Variants in FNIP2 observed in about 807,000 individuals in gnomAD.
The protein encoded by FNIP2 is folliculin-interacting protein 2.
In FNIP2, 32 loss-of-function variants were observed where a neutral mutation model predicts 108.7. That is an observed-to-expected ratio of 0.29 (90% confidence interval 0.22 to 0.40). The LOEUF is 0.40. FNIP2 is among the 10% of genes least tolerant of loss of function. FNIP2 has a pLI of 1.00. For synonymous variants in FNIP2, 480 were observed against 496.7 expected (o/e 0.97, Z 0.45); for missense variants, 1,202 against 1,381.6 (o/e 0.87, Z 2.06).
intron 5 of FNIP2, among the ~76,000 whole-genome samples, chr4:158,833,078 A>C (rs1778570980): frequency 6.6e-6 from 1 of 152,194 alleles, no homozygotes; most frequent in African/African-American, 2.4e-5. Context: ...TTCCTGAAAA[A>C]AGTTGCTGAA....
chr4:158,833,871 G>C, intron 6 of FNIP2: 1 of 1,451,038 alleles, frequency 6.9e-7, no homozygotes, highest in Non-Finnish European at 9.1e-7. Flanking sequence ...GGCTCACCCG[G>C]AGTGCTTCTT....
At position 158,868,653 on chromosome 4, in the gene FNIP2, G is replaced by T. The variant is rs938348425; in HGVS notation, c.2017G>T (p.Ala673Ser). Residue 673 changes from alanine (A) to serine (S), a missense_variant, in exon 13 of 17, where the codon GCA (alanine) becomes TCA (serine). By Grantham distance (99) the Ala-to-Ser change is moderately conservative. Around this residue, in one of 5 missense-constraint regions of FNIP2, gnomAD observed 878 missense variants for 990.3 expected, o/e 0.89. Coordinates refer to ENST00000264433, the MANE Select transcript of FNIP2 (RefSeq NM_020840.3). The surrounding 1 kb of genome is among the most constrained non-coding windows in gnomAD (Gnocchi z 4.6). ...SRLPSCEVLG[A>S]GMKMDQQAVC... ...ACTTCCCAGCTGTGAAGTTTTGGGG[G>T]CAGGAATGAAGATGGACCAGCAAGC... 9 of 1,613,890 alleles carry T rather than the reference G, an allele frequency of 5.6e-6. No homozygotes were observed. The highest frequency in any genetic ancestry group is 7.6e-6 in the Non-Finnish European group (9 of 1,179,912).
Position 158,907,444 on chromosome 4 carries a change from TC to T in FNIP2, c.*2904del, listed in dbSNP as rs1482228006. ...ATTAACGTTTTTGGAGGGAGAAAAA[TC>T]CCCGCTTGCTAAATGATACTAAACC... On this transcript the variant is annotated 3_prime_UTR_variant, in exon 17 of 17. Coordinates refer to ENST00000264433, the MANE Select transcript of FNIP2 (RefSeq NM_020840.3). 1 of 152,230 alleles carries T rather than the reference TC, an allele frequency of 6.6e-6. No homozygotes were observed. Among genetic ancestry groups the T allele is most frequent in the African/African-American group, 2.4e-5 (1 of 41,544 alleles). The allele number at this position is 152,230 out of a possible 1,614,324, so 9.4% of individuals were successfully genotyped here. A position where few individuals can be genotyped will look rare whatever the true frequency, so the allele number is the denominator to read the frequency against.
At chr4:158,790,659 A>G (rs1776382698) in intron 1 of FNIP2, among the ~76,000 whole-genome samples, 1 of 152,102 alleles carries the variant, frequency 6.6e-6, no homozygotes, top group Non-Finnish European at 1.5e-5. Context: ...AGGTGGGAGG[A>G]CCACTTGATC....
In FNIP2 at chr4:158,815,322, C is replaced by G. The variant is rs373015774; in HGVS notation, c.108-10594C>G. On this transcript the variant is annotated intron_variant, in intron 1 of 16. Coordinates refer to ENST00000264433, the MANE Select transcript of FNIP2 (RefSeq NM_020840.3). ...TACATGGTGCAGAGAAAGCCTTTCCCTTTGCTCTGTAAAGAGTGTAGAATG... is the reference window on the plus strand; with the variant it reads ...TACATGGTGCAGAGAAAGCCTTTCCGTTTGCTCTGTAAAGAGTGTAGAATG... 2.6e-5 allele frequency among the ~76,000 whole-genome samples: 4 copies of G among 151,362 alleles called. No homozygotes were observed. In the South Asian group the frequency reaches 8.3e-4, roughly 31 times the overall value.
At chr4:158,813,731 T>TA (rs1399016716) in intron 1 of FNIP2, among the ~76,000 whole-genome samples, 7 of 152,202 alleles carry the variant, frequency 4.6e-5, no homozygotes, top group Admixed American at 4.6e-4. Context: ...CCTTTGGTGT[T>TA]GTATCTGAGA....
At chr4:158,774,275 T>C (rs1183821048) in intron 1 of FNIP2, among the ~76,000 whole-genome samples, 1 of 152,210 alleles carries the variant, frequency 6.6e-6, no homozygotes, top group Non-Finnish European at 1.5e-5. Flanking sequence ...GGTGAAAATT[T>C]TATTTTAATT....
intron 16 of FNIP2, among the ~76,000 whole-genome samples, chr4:158,901,707 C>T (rs747331231): frequency 3.3e-5 from 5 of 151,784 alleles, no homozygotes; most frequent in Non-Finnish European, 7.4e-5. Flanking sequence ...TTTCTGTAAT[C>T]TTGTCTTCAC....
intron 1 of FNIP2, among the ~76,000 whole-genome samples, chr4:158,777,491 C>G (rs1457651624): frequency 2.6e-5 from 4 of 152,170 alleles, no homozygotes; most frequent in Admixed American, 2.0e-4. Context: ...AAAGAATGTG[C>G]CAGACTAACA....
At chr4:158,889,669 T>A (rs1038662431) in intron 14 of FNIP2, among the ~76,000 whole-genome samples, 7 of 152,214 alleles carry the variant, frequency 4.6e-5, no homozygotes, top group African/African-American at 1.7e-4. Context: ...TATGTTGACA[T>A]ATGGTCAGTA....
At chr4:158,815,384 C>CT (rs58702187) in intron 1 of FNIP2, among the ~76,000 whole-genome samples, 42,006 of 137,372 alleles carry the variant, frequency 0.31, 7,013 homozygotes, top group Non-Finnish European at 0.38. Context: ...AGTAATCCAG[C>CT]TTTTTTTTTT....
rs1467237023 is a variant in FNIP2, at chr4:158,904,715, T to C, written c.*171T>C. On this transcript the variant is annotated 3_prime_UTR_variant, in exon 17 of 17. Coordinates refer to ENST00000264433, the MANE Select transcript of FNIP2 (RefSeq NM_020840.3). ...TCAAGCTGATGCTTCATTGAAGACT[T>C]AGGTTTACTTGACATAATAGCATTT... is the stretch of plus-strand genomic sequence containing the variant. 1 of 605,804 alleles carries C rather than the reference T, an allele frequency of 1.7e-6. No individual in the cohort carries two copies. Among genetic ancestry groups the C allele is most frequent in the East Asian group, 2.8e-5 (1 of 35,650 alleles). The allele number at this position is 605,804 out of a possible 1,614,324, so 37.5% of individuals were successfully genotyped here.
At chr4:158,775,053 G>C (rs1482496156) in intron 1 of FNIP2, among the ~76,000 whole-genome samples, 1 of 152,134 alleles carries the variant, frequency 6.6e-6, no homozygotes, top group Admixed American at 6.5e-5. Flanking sequence ...TGCCTGTAAG[G>C]TCAGCCTAAG....
intron 1 of FNIP2, among the ~76,000 whole-genome samples, chr4:158,817,052 A>T (rs1777619819): frequency 6.6e-6 from 1 of 152,084 alleles, no homozygotes; most frequent in Admixed American, 6.6e-5. Context: ...AAACTCCTGG[A>T]TTCAAGCGAT....
chr4:158,887,575 A>G (rs1036917825), intron 14 of FNIP2, among the ~76,000 whole-genome samples: 4 of 151,986 alleles, frequency 2.6e-5, no homozygotes, highest in Non-Finnish European at 5.9e-5. Context: ...CGTCTCTACT[A>G]AAAATACAAA....
chr4:158,792,119 A>G (rs151107764), intron 1 of FNIP2, among the ~76,000 whole-genome samples: 96 of 152,272 alleles, frequency 6.3e-4, no homozygotes, highest in African/African-American at 2.2e-3. Flanking sequence ...ACACACACAC[A>G]CACATCAGGT....
At chr4:158,891,187 C>G (rs149229477) in intron 14 of FNIP2, among the ~76,000 whole-genome samples, 58 of 150,892 alleles carry the variant, frequency 3.8e-4, no homozygotes, top group African/African-American at 1.2e-3. Flanking sequence ...CTCTATCCTC[C>G]CCCTCCCCCA....
At chr4:158,803,325 A>C (rs201428921) in intron 1 of FNIP2, among the ~76,000 whole-genome samples, 2 of 152,242 alleles carry the variant, frequency 1.3e-5, no homozygotes, top group East Asian at 3.8e-4. Context: ...GGCACCCAGC[A>C]TGATAATGAA....
At chr4:158,833,766 T>A in intron 6 of FNIP2, 138 bp downstream of exon 6, 1 of 1,492,308 alleles carries the variant, frequency 6.7e-7, no homozygotes, top group Non-Finnish European at 9.0e-7. Flanking sequence ...GTATGTGTAC[T>A]TTGTTTGCCC....
Sources: allele counts gnomAD v4.1 joint callset (sites outside exome capture counted in the v4.1 genomes callset), GRCh38; gene constraint gnomAD v4.1.1; regional missense constraint gnomAD v4.1.1; non-coding constraint Gnocchi (gnomAD v3.1); transcripts MANE v1.5; gene names NCBI Gene and HGNC (gene_info 2026-07-23, HGNC 2026-07-21).